Variants in GTF2F2 observed in about 807,000 individuals in gnomAD.
The protein encoded by GTF2F2 is general transcription factor IIF subunit 2.
In GTF2F2, 23 loss-of-function variants were observed where a neutral mutation model predicts 42.2. That is an observed-to-expected ratio of 0.55 (90% CI 0.39 to 0.77). The LOEUF is 0.77. GTF2F2 is among the 30% of genes least tolerant of loss of function. GTF2F2 has a pLI of 0.00. For missense variants in GTF2F2, 261 were observed against 287.2 expected (o/e 0.91, Z 0.66); for synonymous variants, 105 against 100.8 (o/e 1.04, Z -0.25).
chr13:45,246,732 T>G (rs964256201), intron 5 of GTF2F2, among the ~76,000 whole-genome samples: 2 of 152,176 alleles, frequency 1.3e-5, no homozygotes, highest in Non-Finnish European at 2.9e-5. Flanking sequence ...TCTGTGTAAA[T>G]TCACTTTAAA....
chr13:45,127,983 A>G, intron 1 of GTF2F2, among the ~76,000 whole-genome samples: 1 of 81,276 alleles, frequency 1.2e-5, no homozygotes, highest in Non-Finnish European at 2.2e-5. Context: ...TTTTTTTGAG[A>G]CGGGTCTTGC....
At chr13:45,142,409 C>T (rs1205444923) in intron 2 of GTF2F2, among the ~76,000 whole-genome samples, 1 of 152,172 alleles carries the variant, frequency 6.6e-6, no homozygotes, top group African/African-American at 2.4e-5. Context: ...CTCAAGTGAT[C>T]TGCCTGCCTT....
chr13:45,128,043 C>G (rs960719726), intron 1 of GTF2F2, among the ~76,000 whole-genome samples: 3 of 142,576 alleles, frequency 2.1e-5, no homozygotes, highest in African/African-American at 7.8e-5. Context: ...TCACTGCAAG[C>G]TCTGCCTCCC....
At chr13:45,140,829 G>T (rs899403733) in intron 2 of GTF2F2, among the ~76,000 whole-genome samples, 2 of 152,182 alleles carry the variant, frequency 1.3e-5, no homozygotes, top group East Asian at 3.9e-4. Context: ...CTGAAGAAAG[G>T]CAGGCTAAAG....
At chr13:45,147,999 G>A (rs1298081583) in intron 2 of GTF2F2, among the ~76,000 whole-genome samples, 1 of 152,122 alleles carries the variant, frequency 6.6e-6, no homozygotes, top group Non-Finnish European at 1.5e-5. Context: ...ATGATTGGAC[G>A]TGTCTATTTT....
At chr13:45,228,538 T>G (rs903489079) in intron 5 of GTF2F2, among the ~76,000 whole-genome samples, 1 of 150,522 alleles carries the variant, frequency 6.6e-6, no homozygotes, top group Non-Finnish European at 1.5e-5. Context: ...CTGCTTACCA[T>G]GCTCACACAC....
At chr13:45,191,224 AATATATATATATATATAT>A (rs1165963910) in intron 4 of GTF2F2, among the ~76,000 whole-genome samples, 3 of 75,346 alleles carry the variant, frequency 4.0e-5, no homozygotes, top group African/African-American at 3.0e-4. Context: ...ACAAAAAAAA[AATATATATATATATATAT>A]ATATATATAT....
At chr13:45,223,262 TAAAAAAAAAAAA>T (rs60690884) in intron 5 of GTF2F2, among the ~76,000 whole-genome samples, 1 of 96,306 alleles carries the variant, frequency 1.0e-5, no homozygotes, top group Admixed American at 1.3e-4. Context: ...CTTGTCTCAA[TAAAAAAAAAAAA>T]AAAAAAAAAA....
rs147828648 is a variant in GTF2F2 at position 45,193,575 on chromosome 13, T to C, written c.305-13849T>C. The C allele has an allele frequency of 6.1e-3, 3,012 of 493,426 alleles. 28 individuals are homozygous for C. Among genetic ancestry groups the C allele is most frequent in the Middle Eastern group, 0.029 (57 of 1,946 alleles). 30.6% of individuals were successfully genotyped at this position (493,426 alleles called of 1,614,324 possible). A position where few individuals can be genotyped will look rare whatever the true frequency, so the allele number is the denominator to read the frequency against. On this transcript the variant is annotated intron_variant, in intron 4 of 7. Transcript: ENST00000340473. ...AGTATATAGAAGGTTACTGTTTTCA[T>C]TTTAGGTGGAAGAGTCTGATCAGTA...
At chr13:45,246,244 C>G (rs959963073) in intron 5 of GTF2F2, among the ~76,000 whole-genome samples, 8 of 151,848 alleles carry the variant, frequency 5.3e-5, no homozygotes, top group Non-Finnish European at 1.0e-4. Context: ...ATCTCCTGAC[C>G]TCGTGATCCG....
chr13:45,218,432 G>C (rs2138201867), intron 5 of GTF2F2, among the ~76,000 whole-genome samples: 1 of 152,308 alleles, frequency 6.6e-6, no homozygotes, highest in African/African-American at 2.4e-5. Context: ...ACTGCCATCT[G>C]TCAGAAAATT....
intron 1 of GTF2F2, among the ~76,000 whole-genome samples, chr13:45,130,462 C>G (rs975069294): frequency 6.6e-6 from 1 of 152,158 alleles, no homozygotes; most frequent in Non-Finnish European, 1.5e-5. Context: ...GATGACCATT[C>G]TGGCTGCTTT....
At chr13:45,194,081 CAGG>C in intron 4 of GTF2F2, 1 of 1,614,122 alleles carries the variant, frequency 6.2e-7, no homozygotes, top group Non-Finnish European at 8.5e-7. Context: ...GATATGAAAT[CAGG>C]AGCATTACAG....
intron 4 of GTF2F2, among the ~76,000 whole-genome samples, chr13:45,191,651 T>C (rs1422577489): frequency 6.6e-6 from 1 of 152,098 alleles, no homozygotes; most frequent in African/African-American, 2.4e-5. Context: ...GTACAAGTAA[T>C]TTGGAATTTA....
At chr13:45,256,635 TA>T (rs554712422) in intron 6 of GTF2F2, among the ~76,000 whole-genome samples, 40 of 152,264 alleles carry the variant, frequency 2.6e-4, no homozygotes, top group Non-Finnish European at 3.2e-4. Context: ...TGCATAGCTT[TA>T]AAAAACATAT....
intron 5 of GTF2F2, among the ~76,000 whole-genome samples, chr13:45,231,289 G>C (rs1874668035): frequency 6.6e-6 from 1 of 151,968 alleles, no homozygotes; most frequent in Non-Finnish European, 1.5e-5. Context: ...TGTATTTTTA[G>C]TAGTGATGGG....
At chr13:45,264,033 G>A (rs1354542192) in intron 6 of GTF2F2, 2 of 152,128 alleles carry the variant, frequency 1.3e-5, no homozygotes, top group African/African-American at 4.8e-5. Flanking sequence ...GTCTTGATAA[G>A]TAAACAATTA....
intron 2 of GTF2F2, 33 bp downstream of exon 2, chr13:45,136,839 A>C (rs769550274): frequency 1.6e-6 from 2 of 1,262,538 alleles, no homozygotes; most frequent in Non-Finnish European, 2.3e-6. Context: ...ACATTTTAAA[A>C]AGCTATTTTT....
chr13:45,126,505 C>T (rs1481088391), intron 1 of GTF2F2, among the ~76,000 whole-genome samples: 1 of 152,164 alleles, frequency 6.6e-6, no homozygotes, highest in Non-Finnish European at 1.5e-5. Context: ...CTGCCTTGGC[C>T]TCCCAAACTG....
Sources: allele counts gnomAD v4.1 joint callset (sites outside exome capture counted in the v4.1 genomes callset), GRCh38; gene constraint gnomAD v4.1.1; transcripts MANE v1.5; gene names NCBI Gene and HGNC (gene_info 2026-07-23, HGNC 2026-07-21).